GRID1: variants seen among roughly 807,000 people sequenced by gnomAD.
The protein encoded by GRID1 is glutamate receptor ionotropic, delta-1.
Under a neutral mutation model 98.0 loss-of-function variants are expected in GRID1, and 28 were observed. The ratio of observed to expected loss-of-function variants is 0.29; its 90% CI spans 0.21 to 0.39. The LOEUF (loss-of-function observed/expected upper bound fraction) is 0.39, where lower values mean the gene tolerates loss of function less well. Among genes scored for constraint, GRID1 ranks in the 10% least tolerant of loss-of-function variants. The pLI is 1.00. For missense variants in GRID1, 1,111 were observed against 1,340.5 expected (o/e 0.83, Z 2.67); for synonymous variants, 553 against 538.5 (o/e 1.03, Z -0.37).
At chr10:86,287,896 G>A (rs910709729) in intron 2 of GRID1, among the ~76,000 whole-genome samples, 31 of 151,548 alleles carry the variant, frequency 2.0e-4, no homozygotes, top group Admixed American at 2.0e-3. Flanking sequence ...ACTAGAGGAT[G>A]TACCCACAAG....
chr10:86,227,827 C>T (rs758620402), intron 2 of GRID1, among the ~76,000 whole-genome samples: 1 of 152,184 alleles, frequency 6.6e-6, no homozygotes, highest in African/African-American at 2.4e-5. Flanking sequence ...TGAGCCACTG[C>T]AGGACCTAGG....
At chr10:86,103,184 G>T (rs117374292) in intron 4 of GRID1, among the ~76,000 whole-genome samples, 3,051 of 152,152 alleles carry the variant, frequency 0.02, 49 homozygotes, top group East Asian at 0.071. Flanking sequence ...AAGCAGAAGG[G>T]GCTGGCAGCT....
In GRID1 at chr10:85,916,061, G is replaced by T; in HGVS notation, c.780+125C>A. 1.3e-6 allele frequency: 1 copy of T among 756,532 alleles called. No homozygotes were observed. The highest frequency in any genetic ancestry group is 2.3e-6 in the Non-Finnish European group (1 of 442,388). 46.9% of individuals were successfully genotyped at this position (756,532 alleles called of 1,614,324 possible). A position where few individuals can be genotyped will look rare whatever the true frequency, so the allele number is the denominator to read the frequency against. On this transcript the variant is annotated intron_variant, in intron 5 of 15. Coordinates refer to ENST00000327946, the MANE Select transcript of GRID1 (RefSeq NM_017551.3). The surrounding 1 kb of genome is among the most constrained non-coding windows in gnomAD (Gnocchi z 4.0). The stretch of plus-strand genomic sequence containing the variant: ...ACTCTTTGAGTTTTTGCCTGGGCTA[G>T]GTGGAGCCCCAGGATTCACAACAGC...
chr10:85,787,578 GCC>G (rs1241396968), intron 8 of GRID1, among the ~76,000 whole-genome samples: 1 of 152,114 alleles, frequency 6.6e-6, no homozygotes, highest in Non-Finnish European at 1.5e-5. Flanking sequence ...GGTGTCTCCT[GCC>G]CAGCCAGCTC....
At chr10:85,642,230 A>G (rs1843129427) in intron 13 of GRID1, among the ~76,000 whole-genome samples, 5 of 152,222 alleles carry the variant, frequency 3.3e-5, no homozygotes, top group Admixed American at 2.6e-4. Context: ...GCTGTTGTCC[A>G]ATAAACCTTT....
intron 4 of GRID1, among the ~76,000 whole-genome samples, chr10:85,961,550 C>CCCTTTCCTCCTTCCTTCTTT (rs1444984938): frequency 1.3e-5 from 2 of 151,246 alleles, no homozygotes; most frequent in African/African-American, 4.9e-5. Context: ...CTTCCTTCTT[C>CCCTTTCCTCCTTCCTTCTTT]CCTTTCCTCC....
chr10:86,018,146 C>T (rs1254477933), intron 4 of GRID1, among the ~76,000 whole-genome samples: 2 of 152,240 alleles, frequency 1.3e-5, no homozygotes, highest in Non-Finnish European at 2.9e-5. Context: ...GCAGTCTGCT[C>T]GCCTCTGTTC....
At chr10:86,058,315 G>A (rs937270211) in intron 4 of GRID1, among the ~76,000 whole-genome samples, 20 of 152,060 alleles carry the variant, frequency 1.3e-4, no homozygotes, top group Admixed American at 1.1e-3. Flanking sequence ...GGATGGTTCC[G>A]GCCCCAGGTT....
chr10:85,616,756 T>C (rs887838625), intron 14 of GRID1, among the ~76,000 whole-genome samples: 3 of 152,176 alleles, frequency 2.0e-5, no homozygotes, highest in Admixed American at 2.0e-4. Flanking sequence ...TAATCCATAC[T>C]CTCGCTTACG....
At chr10:86,085,066 TAAAG>T (rs1332080386) in intron 4 of GRID1, among the ~76,000 whole-genome samples, 4 of 152,110 alleles carry the variant, frequency 2.6e-5, no homozygotes, top group Admixed American at 6.5e-5. Flanking sequence ...TTTAAACAAA[TAAAG>T]AAAGAAGAGG....
intron 15 of GRID1, among the ~76,000 whole-genome samples, chr10:85,608,093 G>T (rs1479503132): frequency 6.6e-6 from 1 of 152,090 alleles, no homozygotes; most frequent in African/African-American, 2.4e-5. Flanking sequence ...TGGGATTATA[G>T]GCATGCGCCA....
Position 85,743,285 on chromosome 10 carries a change from T to C in GRID1, c.1234-13671A>G, listed in dbSNP as rs139144222. On this transcript the variant is annotated intron_variant, in intron 8 of 15. Coordinates refer to ENST00000327946, the MANE Select transcript of GRID1 (RefSeq NM_017551.3). ...AGCACTAGACATGTGAGTGAATCCA[T>C]CTTAGACCCTTAAGACAGGTGCATA... is the stretch of plus-strand genomic sequence containing the variant. Among the ~76,000 whole-genome samples, 19 of 152,184 alleles carry C rather than the reference T, an allele frequency of 1.2e-4. No individual in the cohort carries two copies. In the East Asian group the frequency reaches 3.7e-3, roughly 29 times the overall value.
At chr10:85,651,005 A>C (rs1843261620) in intron 12 of GRID1, among the ~76,000 whole-genome samples, 1 of 152,114 alleles carries the variant, frequency 6.6e-6, no homozygotes, top group South Asian at 2.1e-4. Flanking sequence ...AGAAATGCAA[A>C]TCCTTGGGCC....
At chr10:85,774,919 G>A (rs1441751947) in intron 8 of GRID1, among the ~76,000 whole-genome samples, 6 of 151,412 alleles carry the variant, frequency 4.0e-5, no homozygotes, top group Admixed American at 1.3e-4. Flanking sequence ...TCAGTGTGGC[G>A]ATTCCTCAGG....
chr10:86,302,634 C>A (rs902019106), intron 2 of GRID1, among the ~76,000 whole-genome samples: 5 of 152,332 alleles, frequency 3.3e-5, no homozygotes, highest in South Asian at 2.1e-4. Context: ...CCAGACCCAA[C>A]TTCCAGCTTG....
At chr10:85,685,046 C>T (rs964942022) in intron 12 of GRID1, among the ~76,000 whole-genome samples, 1 of 152,170 alleles carries the variant, frequency 6.6e-6, no homozygotes. Context: ...ATTCAGTCTA[C>T]AGCACCCATG....
chr10:86,315,279 A>G (rs1847882938), intron 2 of GRID1, among the ~76,000 whole-genome samples: 1 of 152,130 alleles, frequency 6.6e-6, no homozygotes, highest in Admixed American at 6.5e-5. Flanking sequence ...CCCGCCCCCA[A>G]TAGCCACTGC....
Position 86,350,788 on chromosome 10 carries a change from G to GT in GRID1, c.235+13152dup, listed in dbSNP as rs527558932. On this transcript the variant is annotated intron_variant, in intron 2 of 15. Coordinates refer to ENST00000327946, the MANE Select transcript of GRID1 (RefSeq NM_017551.3). ...CCTCAAACATTCATCATTTCTTTGT[G>GT]TTGAGAACATCCAAATTCCTCTCTT... Among the ~76,000 whole-genome samples, 14 of 152,218 alleles carry GT rather than the reference G, an allele frequency of 9.2e-5. No individual in the cohort carries two copies. In the East Asian group the frequency reaches 2.5e-3, roughly 27 times the overall value.
intron 3 of GRID1, among the ~76,000 whole-genome samples, chr10:86,196,391 G>A (rs1273071970): frequency 1.3e-5 from 2 of 152,006 alleles, no homozygotes; most frequent in Non-Finnish European, 2.9e-5. Flanking sequence ...CTCAGGGAGT[G>A]CAATCACTCT....
Sources: allele counts gnomAD v4.1 joint callset (sites outside exome capture counted in the v4.1 genomes callset), GRCh38; gene constraint gnomAD v4.1.1; non-coding constraint Gnocchi (gnomAD v3.1); transcripts MANE v1.5; gene names NCBI Gene and HGNC (gene_info 2026-07-23, HGNC 2026-07-21).